The following EPS15L1 variants were observed in gnomAD, a reference collection of about 807,000 sequenced individuals.
The protein encoded by EPS15L1 is epidermal growth factor receptor substrate 15-like 1.
EPS15L1 carries 43 observed loss-of-function variants against 117.1 expected under a neutral mutation model. The observed-to-expected ratio is 0.37, with a 90% confidence interval of 0.29 to 0.47. The LOEUF (loss-of-function observed/expected upper bound fraction) is 0.47. Ranked by LOEUF, EPS15L1 falls within the 20% of genes least tolerant of loss-of-function variation. EPS15L1 has a pLI of 0.99. For synonymous variants in EPS15L1, 459 were observed against 470.5 expected (o/e 0.98, Z 0.32); for missense variants, 981 against 1,164.0 (o/e 0.84, Z 2.29).
intron 5 of EPS15L1, 60 bp downstream of exon 5, chr19:16,437,710 T>TACACAC: frequency 8.7e-7 from 1 of 1,146,038 alleles, no homozygotes. Context: ...CACATGCACA[T>TACACAC]ACACACACAC....
chr19:16,446,675 C>T (rs1599664794), intron 1 of EPS15L1, among the ~76,000 whole-genome samples: 1 of 152,132 alleles, frequency 6.6e-6, no homozygotes, highest in Non-Finnish European at 1.5e-5. Context: ...TACTGTGCAC[C>T]CTGTAATGAC....
chr19:16,455,802 C>T (rs549427067), intron 1 of EPS15L1, among the ~76,000 whole-genome samples: 9 of 152,280 alleles, frequency 5.9e-5, no homozygotes, highest in East Asian at 5.8e-4. Flanking sequence ...TCCTCCTCAT[C>T]GCCCTCCTTC....
rs142861153 is a variant in EPS15L1, at chr19:16,400,224, C to T, written c.1791+2097G>A. Among the ~76,000 whole-genome samples, 102 of 152,038 alleles carry T rather than the reference C, an allele frequency of 6.7e-4. 1 individual carries two copies. Among genetic ancestry groups the T allele is most frequent in the African/African-American group, 2.3e-3 (97 of 41,488 alleles). On this transcript the variant is annotated intron_variant, in intron 16 of 23. Coordinates refer to ENST00000455140, the MANE Select transcript of EPS15L1 (RefSeq NM_001258374.3). ...TGGTGGCACGTGCCTGTAATCTCTG[C>T]TACTCGGGAGGCTGAGGCAGGAGAA...
intron 16 of EPS15L1, chr19:16,401,165 G>A (rs981437981): frequency 4.4e-5 from 43 of 985,128 alleles, no homozygotes; most frequent in Non-Finnish European, 4.6e-5. Flanking sequence ...GAGTCCACGA[G>A]AAAAGAGAGT....
chr19:16,418,098 C>T lies in EPS15L1; in HGVS notation c.957G>A (p.Leu319=). 6.2e-7 allele frequency: 1 copy of T among 1,613,050 alleles called. No homozygotes were observed. Among genetic ancestry groups the T allele is most frequent in the Non-Finnish European group, 8.5e-7 (1 of 1,179,314 alleles). ...TQNLLAHIWA[L]ADTRQTGKLS... The stretch of plus-strand genomic sequence containing the variant: ...ACTTCCCCGTTTGCCTCGTATCGGC[C>T]AGGGCCCTGGGAGAAACGTGGGGAT... The change falls in exon 11 of 24, where the codon CTG becomes CTA. Residue 319 remains leucine, a synonymous_variant. Coordinates refer to ENST00000455140, the MANE Select transcript of EPS15L1 (RefSeq NM_001258374.3).
intron 1 of EPS15L1, among the ~76,000 whole-genome samples, chr19:16,464,729 T>TACACTAACACTAACACTA (rs149531973): frequency 0.016 from 2,341 of 148,614 alleles, 46 homozygotes; most frequent in East Asian, 0.11. Context: ...ACACATAAAA[T>TACACTAACACTAACACTA]ACACTAACAC....
chr19:16,361,646 C>G, intron 23 of EPS15L1, 133 bp downstream of exon 23: 1 of 1,405,734 alleles, frequency 7.1e-7, no homozygotes, highest in East Asian at 2.6e-5. Context: ...ATAAATAACG[C>G]GAGGGACAGA....
chr19:16,410,742 C>G (rs983169622), intron 13 of EPS15L1, among the ~76,000 whole-genome samples: 3 of 151,356 alleles, frequency 2.0e-5, no homozygotes, highest in Non-Finnish European at 1.5e-5. Context: ...GAGACCTTGT[C>G]GCTGCAAAAA....
intron 16 of EPS15L1, among the ~76,000 whole-genome samples, chr19:16,400,368 AAAAC>A (rs1568418783): frequency 1.5e-4 from 23 of 151,912 alleles, no homozygotes; most frequent in Admixed American, 2.6e-4. Flanking sequence ...AAAAAAAAAA[AAAAC>A]CCCTGACTTT....
intron 18 of EPS15L1, 136 bp from the exon 19 acceptor site, chr19:16,392,576 A>G (rs2092489416): frequency 1.2e-6 from 1 of 853,884 alleles, no homozygotes; most frequent in Non-Finnish European, 1.8e-6. Flanking sequence ...AAACAGGATA[A>G]TGGTGGCCAG....
At chr19:16,462,088 G>A (rs1468973412) in intron 1 of EPS15L1, among the ~76,000 whole-genome samples, 1 of 152,188 alleles carries the variant, frequency 6.6e-6, no homozygotes, top group African/African-American at 2.4e-5. Flanking sequence ...TGGCTTTGGA[G>A]CCCATGGTCT....
At chr19:16,362,071 C>A in intron 22 of EPS15L1, 87 bp from the exon 23 acceptor site, 1 of 1,351,124 alleles carries the variant, frequency 7.4e-7, no homozygotes, top group South Asian at 1.6e-5. Context: ...TGGGCACAAG[C>A]CCGGGGCGCT....
At chr19:16,368,154 C>T (rs1216824601) in intron 22 of EPS15L1, among the ~76,000 whole-genome samples, 1 of 152,160 alleles carries the variant, frequency 6.6e-6, no homozygotes, top group Non-Finnish European at 1.5e-5. Flanking sequence ...TGCCCACCTT[C>T]GCTATTATCC....
intron 10 of EPS15L1, among the ~76,000 whole-genome samples, chr19:16,419,686 C>T (rs1257727119): frequency 6.6e-6 from 1 of 152,230 alleles, no homozygotes; most frequent in East Asian, 1.9e-4. Flanking sequence ...CTTATTTATA[C>T]CCAAATGCAG....
At chr19:16,394,386 C>A (rs554618897) in intron 17 of EPS15L1, among the ~76,000 whole-genome samples, 2 of 152,316 alleles carry the variant, frequency 1.3e-5, no homozygotes, top group South Asian at 4.1e-4. Context: ...CTGTCCCTCA[C>A]TTTATCACCG....
chr19:16,443,043 T>C (rs1338714635), intron 1 of EPS15L1, among the ~76,000 whole-genome samples: 1 of 152,200 alleles, frequency 6.6e-6, no homozygotes, highest in Non-Finnish European at 1.5e-5. Context: ...TGGGGAATTA[T>C]GCAGTCCCTG....
At chr19:16,421,912 C>T (rs939830238) in intron 9 of EPS15L1, among the ~76,000 whole-genome samples, 2 of 152,206 alleles carry the variant, frequency 1.3e-5, no homozygotes, top group Non-Finnish European at 2.9e-5. Flanking sequence ...AAAGGCTGCC[C>T]TACAGGCAGC....
At chr19:16,390,851 C>T (rs201335787) in intron 19 of EPS15L1, among the ~76,000 whole-genome samples, 15 of 152,214 alleles carry the variant, frequency 9.9e-5, no homozygotes, top group East Asian at 1.9e-4. Flanking sequence ...TAAAGCAGTG[C>T]TTAAGGGAAA....
rs1305959449 is a variant in EPS15L1, at chr19:16,383,395, A to G, written c.2247+1734T>C. 1 of 152,180 alleles carries G rather than the reference A, an allele frequency of 6.6e-6. No individual in the cohort carries two copies. The highest frequency in any genetic ancestry group is 2.4e-5 in the African/African-American group (1 of 41,434). The allele number at this position is 152,180 out of a possible 1,614,324, so 9.4% of individuals were successfully genotyped here. On this transcript the variant is annotated intron_variant, in intron 21 of 23. Transcript: ENST00000455140. This position sits in a 1 kb window ranked among gnomAD's most constrained non-coding sequence, Gnocchi z 5.2. ...AGATCCAGCCTCCCAAAGGAAGAGG[A>G]GTCCACTTGCGACAACCAGAAACGA...
Sources: allele counts gnomAD v4.1 joint callset (sites outside exome capture counted in the v4.1 genomes callset), GRCh38; gene constraint gnomAD v4.1.1; non-coding constraint Gnocchi (gnomAD v3.1); transcripts MANE v1.5; gene names NCBI Gene and HGNC (gene_info 2026-07-23, HGNC 2026-07-21).